Variants in RXRA observed in about 807,000 individuals in gnomAD.
RXRA encodes retinoic acid receptor RXR-alpha.
RXRA carries 5 observed loss-of-function variants against 44.5 expected under a neutral mutation model. The ratio of observed to expected loss-of-function variants is 0.11; its 90% CI spans 0.06 to 0.24. RXRA has a LOEUF of 0.24. RXRA is among the 10% of genes least tolerant of loss of function. RXRA has a pLI of 1.00. For missense variants in RXRA, 412 were observed against 646.5 expected (o/e 0.64, Z 3.93); for synonymous variants, 291 against 271.4 (o/e 1.07, Z -0.71).
chr9:134,438,510 C>A lies in RXRA; in HGVS notation c.*1896C>A, dbSNP rs1831669267. On this transcript the variant is annotated 3_prime_UTR_variant, in exon 10 of 10. Coordinates refer to ENST00000481739, the MANE Select transcript of RXRA (RefSeq NM_002957.6). ...CAGCGTTGTGGATCCCTAGAGGTGG[C>A]CCCCTGCCCGATCCACCGTCCTGAG... The A allele has an allele frequency of 6.6e-6, 1 of 152,400 alleles. No homozygotes were observed. Among genetic ancestry groups the A allele is most frequent in the Non-Finnish European group, 1.5e-5 (1 of 68,050 alleles). 9.4% of individuals were successfully genotyped at this position (152,400 alleles called of 1,614,324 possible). A position where few individuals can be genotyped will look rare whatever the true frequency, so the allele number is the denominator to read the frequency against.
intron 2 of RXRA, chr9:134,405,635 T>C (rs1831038113): frequency 6.6e-6 from 1 of 152,218 alleles, no homozygotes; most frequent in Non-Finnish European, 1.5e-5. Context: ...CCACCCGAGG[T>C]GGTTTGGGAC....
At chr9:134,352,086 A>T (rs899036068) in intron 1 of RXRA, among the ~76,000 whole-genome samples, 1 of 152,084 alleles carries the variant, frequency 6.6e-6, no homozygotes, top group African/African-American at 2.4e-5. Context: ...AGGCTGCGGG[A>T]GTCAGAGGCT....
chr9:134,434,496 C>A (rs1267264503), intron 9 of RXRA, among the ~76,000 whole-genome samples: 2 of 152,192 alleles, frequency 1.3e-5, no homozygotes, highest in East Asian at 1.9e-4. Context: ...CTTCACCCCC[C>A]ACTGCGCTCC....
intron 7 of RXRA, among the ~76,000 whole-genome samples, chr9:134,431,245 G>T (rs2119207180): frequency 6.6e-6 from 1 of 152,384 alleles, no homozygotes; most frequent in African/African-American, 2.4e-5. Flanking sequence ...GCAGAGGCTG[G>T]TGTGATTCAG....
Position 134,349,430 on chromosome 9 carries a change from G to T in RXRA, c.28+22771G>T, listed in dbSNP as rs1164065042. ...GAGGGAGGAGAGGGACAGGCTGGTG[G>T]GTCGGGGAAGAGAAGAGGCTGGCTC... On this transcript the variant is annotated intron_variant, in intron 1 of 9. Coordinates refer to ENST00000481739, the MANE Select transcript of RXRA (RefSeq NM_002957.6). The surrounding 1 kb of genome is among the most constrained non-coding windows in gnomAD (Gnocchi z 4.3). Among the ~76,000 whole-genome samples, 1 of 152,190 alleles carries T rather than the reference G, an allele frequency of 6.6e-6. No homozygotes were observed. Among genetic ancestry groups the T allele is most frequent in the Non-Finnish European group, 1.5e-5 (1 of 68,036 alleles).
intron 1 of RXRA, among the ~76,000 whole-genome samples, chr9:134,333,593 A>C (rs1554746946): frequency 6.6e-6 from 1 of 152,130 alleles, no homozygotes; most frequent in East Asian, 1.9e-4. Context: ...TCGGAGTTCA[A>C]AGACAACCCC....
At chr9:134,339,666 TGTGTGA>T in intron 1 of RXRA, among the ~76,000 whole-genome samples, 1 of 148,386 alleles carries the variant, frequency 6.7e-6, no homozygotes, top group Middle Eastern at 3.4e-3. Flanking sequence ...TGCCTGTGTG[TGTGTGA>T]GCCTGTGTGT....
Position 134,426,712 on chromosome 9 carries a change from A to T in RXRA, c.911-2396A>T. On this transcript the variant is annotated intron_variant, in intron 6 of 9. Transcript: ENST00000481739. The surrounding 1 kb of genome is among the most constrained non-coding windows in gnomAD (Gnocchi z 4.6). ...GGGGCTCTCGGGGCAGTGGGAGGGG[A>T]GGTGGCCACTGCTCAGGTAAACCCC... is the stretch of plus-strand genomic sequence containing the variant. The T allele has an allele frequency of 1.0e-6, 1 of 985,156 alleles. No individual in the cohort carries two copies. The allele number at this position is 985,156 out of a possible 1,614,324, so 61.0% of individuals were successfully genotyped here.
At position 134,433,117 on chromosome 9, in the gene RXRA, C is replaced by T. The variant is rs1325591410; in HGVS notation, c.1136-985C>T. ...CTTTGTCAGACCTGGCTCTGAGGGA[C>T]CGGGCCGGGATGGAGATGGGCATCT... On this transcript the variant is annotated intron_variant, in intron 8 of 9. Coordinates refer to ENST00000481739, the MANE Select transcript of RXRA (RefSeq NM_002957.6). This position sits in a 1 kb window ranked among gnomAD's most constrained non-coding sequence, Gnocchi z 4.2. 6.6e-6 allele frequency among the ~76,000 whole-genome samples: 1 copy of T among 152,084 alleles called. No homozygotes were observed. Among genetic ancestry groups the T allele is most frequent in the Non-Finnish European group, 1.5e-5 (1 of 68,010 alleles).
chr9:134,423,802 C>T (rs1831387671), intron 6 of RXRA: 1 of 985,494 alleles, frequency 1.0e-6, no homozygotes, highest in Non-Finnish European at 1.2e-6. Flanking sequence ...GCTTTGCCAG[C>T]TGCAGGCCTG....
intron 2 of RXRA, chr9:134,406,386 C>G (rs930615854): frequency 6.9e-6 from 1 of 144,802 alleles, no homozygotes; most frequent in African/African-American, 2.6e-5. Context: ...GAGTGAGACC[C>G]TGTTTCGGAA....
Position 134,408,313 on chromosome 9 carries a change from G to T in RXRA, c.430+14G>T. The T allele has an allele frequency of 1.3e-6, 2 of 1,589,800 alleles. No homozygotes were observed. The highest frequency in any genetic ancestry group is 2.3e-5 in the South Asian group (2 of 87,904). On this transcript the variant is annotated intron_variant, in intron 3 of 9. Coordinates refer to ENST00000481739, the MANE Select transcript of RXRA (RefSeq NM_002957.6). ...ACCGCTCCTCAGGTACCGCTGCTGT[G>T]GGGGCCAGGGGCTGGTGGGACAGGG...
intron 1 of RXRA, among the ~76,000 whole-genome samples, chr9:134,353,724 G>T (rs1554749759): frequency 6.6e-6 from 1 of 152,248 alleles, no homozygotes; most frequent in Admixed American, 6.5e-5. Context: ...GCAGGAGAGG[G>T]AACTGCTGTC....
At chr9:134,395,813 C>T (rs1336572846) in intron 1 of RXRA, among the ~76,000 whole-genome samples, 1 of 152,236 alleles carries the variant, frequency 6.6e-6, no homozygotes, top group African/African-American at 2.4e-5. Context: ...TCTGGCCTGT[C>T]CTCAGATGGG....
chr9:134,420,176 G>A (rs966419531), intron 5 of RXRA, among the ~76,000 whole-genome samples: 3 of 152,158 alleles, frequency 2.0e-5, no homozygotes, highest in African/African-American at 7.2e-5. Context: ...ATATCCCCCC[G>A]CCCCTGCCAG....
At chr9:134,388,935 G>A (rs73554185) in intron 1 of RXRA, among the ~76,000 whole-genome samples, 8,628 of 152,226 alleles carry the variant, frequency 0.057, 844 homozygotes, top group African/African-American at 0.2. Flanking sequence ...AGAAGCCCTG[G>A]AAGACACATT....
chr9:134,423,016 C>T (rs1179529182), intron 6 of RXRA: 30 of 985,366 alleles, frequency 3.0e-5, no homozygotes, highest in Admixed American at 1.2e-4. Context: ...TGCCATGCGG[C>T]GGCCAGGACG....
chr9:134,410,226 G>A (rs1375853110), intron 4 of RXRA, among the ~76,000 whole-genome samples: 1 of 152,260 alleles, frequency 6.6e-6, no homozygotes, highest in Non-Finnish European at 1.5e-5. Flanking sequence ...CCTTGTGCCT[G>A]CATAGCAGAG....
chr9:134,332,625 GA>G (rs1835022796), intron 1 of RXRA, among the ~76,000 whole-genome samples: 1 of 152,154 alleles, frequency 6.6e-6, no homozygotes, highest in Non-Finnish European at 1.5e-5. Flanking sequence ...CTGGAACCAG[GA>G]GGGGGTTCAC....
Sources: allele counts gnomAD v4.1 joint callset (sites outside exome capture counted in the v4.1 genomes callset), GRCh38; gene constraint gnomAD v4.1.1; non-coding constraint Gnocchi (gnomAD v3.1); transcripts MANE v1.5; gene names NCBI Gene and HGNC (gene_info 2026-07-23, HGNC 2026-07-21).